Variants in PRDM16 observed in about 807,000 individuals in gnomAD.
The protein encoded by PRDM16 is PR/SET domain 16.
A neutral mutation model predicts 110.6 loss-of-function variants in PRDM16; 23 were observed. The observed-to-expected ratio is 0.21, with a 90% confidence interval of 0.15 to 0.29. PRDM16 has a LOEUF of 0.29. PRDM16 is among the 10% of genes least tolerant of loss of function. The pLI is 1.00. For synonymous variants in PRDM16, 799 were observed against 781.8 expected (o/e 1.02, Z -0.37); for missense variants, 1,615 against 1,794.3 (o/e 0.90, Z 1.81).
In PRDM16 at chr1:3,432,150, C is replaced by A; in HGVS notation, c.3696+10C>A. On this transcript the variant is annotated intron_variant, in intron 16 of 16. Coordinates refer to ENST00000270722, the MANE Select transcript of PRDM16 (RefSeq NM_022114.4). ...GCAGGCTAAGAACCAGGTAGGTACC[C>A]GCCAGAGCCCCTCCCCCACCCCACC... is the stretch of plus-strand genomic sequence containing the variant. 1 of 1,609,804 alleles carries A rather than the reference C, an allele frequency of 6.2e-7. No individual in the cohort carries two copies. The highest frequency in any genetic ancestry group is 8.5e-7 in the Non-Finnish European group (1 of 1,177,462).
At chr1:3,186,014 C>A in intron 1 of PRDM16, 111 bp from the exon 2 acceptor site, 16 of 909,826 alleles carry the variant, frequency 1.8e-5, no homozygotes, top group South Asian at 1.5e-4. Flanking sequence ...GCCTTCTGGG[C>A]CCCTGAGCAC....
intron 1 of PRDM16, among the ~76,000 whole-genome samples, chr1:3,152,258 C>T (rs754152901): frequency 1.1e-4 from 16 of 152,314 alleles, no homozygotes; most frequent in South Asian, 2.1e-4. Flanking sequence ...CATTTGGAAC[C>T]TAGCTTTGAG....
chr1:3,295,923 G>A (rs1385660836), intron 3 of PRDM16, among the ~76,000 whole-genome samples: 1 of 152,104 alleles, frequency 6.6e-6, no homozygotes, highest in Non-Finnish European at 1.5e-5. Context: ...CCCACAAGAA[G>A]CCCACTGAGA....
At position 3,069,610 on chromosome 1, in the gene PRDM16, G is replaced by C. The variant is rs983911403; in HGVS notation, c.37+314G>C. Among the ~76,000 whole-genome samples the C allele has an allele frequency of 2.5e-4, 37 of 150,804 alleles. No individual in the cohort carries two copies. The highest frequency in any genetic ancestry group is 8.4e-4 in the African/African-American group (35 of 41,436). ...AGGCGCGCGGTGGGGGCCGGGGAGG[G>C]GGGCGGAGGGGGAGGGCCGGGGGTG... On this transcript the variant is annotated intron_variant, in intron 1 of 16. Transcript: ENST00000270722. The surrounding 1 kb of genome is among the most constrained non-coding windows in gnomAD (Gnocchi z 6.1).
chr1:3,418,570 G>A lies in PRDM16; in HGVS notation c.2862-97G>A, dbSNP rs1033116608. On this transcript the variant is annotated intron_variant, in intron 11 of 16. Coordinates refer to ENST00000270722, the MANE Select transcript of PRDM16 (RefSeq NM_022114.4). ...GGATGGGTCCACCTGTGCATCAGGT[G>A]TGAGACCCCGAGCATTAGCTTGAAA... 13 of 814,194 alleles carry A rather than the reference G, an allele frequency of 1.6e-5. No homozygotes were observed. In the African/African-American group the frequency reaches 2.0e-4, roughly 13 times the overall value. 50.4% of individuals were successfully genotyped at this position (814,194 alleles called of 1,614,324 possible).
At chr1:3,263,159 C>T (rs1330488179) in intron 3 of PRDM16, among the ~76,000 whole-genome samples, 2 of 152,156 alleles carry the variant, frequency 1.3e-5, no homozygotes, top group African/African-American at 4.8e-5. Flanking sequence ...CAGGCACCAG[C>T]AGCCTCTTCC....
rs557541687 is a variant in PRDM16, at chr1:3,382,587, G to A, written c.439-2565G>A. 2.1e-4 allele frequency among the ~76,000 whole-genome samples: 32 copies of A among 152,194 alleles called. No individual in the cohort carries two copies. Among genetic ancestry groups the A allele is most frequent in the Admixed American group, 4.6e-4 (7 of 15,286 alleles). ...GAGCCAGCCGGGGCCCAGAACAGGGGGAAGGTGTTGGCTGAGCCCATGTCT... is the reference window on the plus strand; with the variant it reads ...GAGCCAGCCGGGGCCCAGAACAGGGAGAAGGTGTTGGCTGAGCCCATGTCT... On this transcript the variant is annotated intron_variant, in intron 3 of 16. Transcript: ENST00000270722. This position sits in a 1 kb window ranked among gnomAD's most constrained non-coding sequence, Gnocchi z 6.6.
chr1:3,332,780 C>A (rs1018475858), intron 3 of PRDM16, among the ~76,000 whole-genome samples: 29 of 151,848 alleles, frequency 1.9e-4, no homozygotes, highest in African/African-American at 6.8e-4. Flanking sequence ...CACTCATTCT[C>A]CTCCGCCCAT....
Position 3,396,486 on chromosome 1 carries a change from C to T in PRDM16, c.574-5C>T. ...CACCCTTTCTCTCTGGTCTCTCCATCCTAGATTTACTATAAAGTCATTAAG... is the reference window on the plus strand; with the variant it reads ...CACCCTTTCTCTCTGGTCTCTCCATTCTAGATTTACTATAAAGTCATTAAG... On this transcript the variant is annotated splice_region_variant and splice_polypyrimidine_tract_variant and intron_variant, in intron 4 of 16. Transcript: ENST00000270722. 7 of 1,536,692 alleles carry T rather than the reference C, an allele frequency of 4.6e-6. No homozygotes were observed. The highest frequency in any genetic ancestry group is 6.3e-6 in the Non-Finnish European group (7 of 1,119,646).
At chr1:3,181,114 C>CTTACGGTCTTACACACACAGTCTTACGGT (rs1644158650) in intron 1 of PRDM16, among the ~76,000 whole-genome samples, 1 of 76,518 alleles carries the variant, frequency 1.3e-5, no homozygotes. Flanking sequence ...TTACACGCGG[C>CTTACGGTCTTACACACACAGTCTTACGGT]CTTACACACG....
chr1:3,098,945 T>C (rs1441126779), intron 1 of PRDM16, among the ~76,000 whole-genome samples: 1 of 152,196 alleles, frequency 6.6e-6, no homozygotes, highest in Non-Finnish European at 1.5e-5. Flanking sequence ...TCAGTGCCCG[T>C]TGAGTGGCTG....
At position 3,244,159 on chromosome 1, in the gene PRDM16, C is replaced by G. The variant is rs374276668; in HGVS notation, c.438+22C>G. 1.1e-5 allele frequency: 17 copies of G among 1,612,238 alleles called. No homozygotes were observed. In the African/African-American group the frequency reaches 2.1e-4, roughly 20 times the overall value. Reference sequence around the variant, plus strand: ...AAAGGTAGGAGAGCTCGCCCTGCGCCGTCTCAGCTCCCCAGCGTCCTCGGA... The same window carrying G: ...AAAGGTAGGAGAGCTCGCCCTGCGCGGTCTCAGCTCCCCAGCGTCCTCGGA... On this transcript the variant is annotated intron_variant, in intron 3 of 16. Coordinates refer to ENST00000270722, the MANE Select transcript of PRDM16 (RefSeq NM_022114.4). The surrounding 1 kb of genome is among the most constrained non-coding windows in gnomAD (Gnocchi z 4.1).
chr1:3,261,910 A>T (rs1195299041), intron 3 of PRDM16, among the ~76,000 whole-genome samples: 1 of 152,166 alleles, frequency 6.6e-6, no homozygotes, highest in African/African-American at 2.4e-5. Flanking sequence ...AGGCAATAGG[A>T]AGAGAAAGGA....
Position 3,270,571 on chromosome 1 carries a change from TGGA to T in PRDM16, c.438+26441_438+26443del, listed in dbSNP as rs1475773450. On this transcript the variant is annotated intron_variant, in intron 3 of 16. Transcript: ENST00000270722. ...AAGACAGTCAAGAGGAGCATAGTCC[TGGA>T]GGAGGACAGTCGAGAGGAGGACAGT... Among the ~76,000 whole-genome samples the T allele has an allele frequency of 6.5e-4, 88 of 135,416 alleles. 1 individual carries two copies. The highest frequency in any genetic ancestry group is 2.2e-4 in the Non-Finnish European group (14 of 64,362). The allele number at this position is 135,416 out of a possible 152,430, so 88.8% of individuals were successfully genotyped here.
At chr1:3,392,414 T>C (rs1299856021) in intron 4 of PRDM16, among the ~76,000 whole-genome samples, 1 of 152,218 alleles carries the variant, frequency 6.6e-6, no homozygotes, top group African/African-American at 2.4e-5. Context: ...AAAATTCATT[T>C]ATTCCAGGAA....
intron 1 of PRDM16, among the ~76,000 whole-genome samples, chr1:3,090,887 T>C (rs1210546869): frequency 6.6e-6 from 1 of 152,138 alleles, no homozygotes; most frequent in African/African-American, 2.4e-5. Flanking sequence ...AAGCAGAATC[T>C]CCAGGACCTG....
chr1:3,422,753 T>C (rs373255244), intron 12 of PRDM16, among the ~76,000 whole-genome samples: 4 of 152,352 alleles, frequency 2.6e-5, no homozygotes, highest in East Asian at 3.9e-4. Context: ...GCCTTATTCT[T>C]GTGTGAGTTC....
intron 8 of PRDM16, among the ~76,000 whole-genome samples, chr1:3,410,006 ATG>A (rs766693792): frequency 1.1e-5 from 1 of 94,586 alleles, no homozygotes; most frequent in African/African-American, 4.3e-5. Flanking sequence ...GGGGGTGTGC[ATG>A]TGTGTGTGCT....
chr1:3,276,432 C>T (rs1157793290), intron 3 of PRDM16, among the ~76,000 whole-genome samples: 10 of 152,242 alleles, frequency 6.6e-5, no homozygotes, highest in African/African-American at 2.4e-4. Flanking sequence ...GGACTCTGCT[C>T]GTGCCCGGCC....
Sources: allele counts gnomAD v4.1 joint callset (sites outside exome capture counted in the v4.1 genomes callset), GRCh38; gene constraint gnomAD v4.1.1; non-coding constraint Gnocchi (gnomAD v3.1); transcripts MANE v1.5; gene names NCBI Gene and HGNC (gene_info 2026-07-23, HGNC 2026-07-21).